MS4A6A: variants seen among roughly 807,000 people sequenced by gnomAD.
MS4A6A encodes membrane spanning 4-domains A6A.
In MS4A6A, 19 loss-of-function variants were observed where a neutral mutation model predicts 20.6. The ratio of observed to expected loss-of-function variants is 0.92; its 90% CI spans 0.64 to 1.36. The LOEUF (loss-of-function observed/expected upper bound fraction) is 1.36, where lower values mean the gene tolerates loss of function less well. MS4A6A is among the 40% of genes most tolerant of loss of function. The pLI, the probability that MS4A6A is intolerant of heterozygous loss-of-function variation, is 0.00. For missense variants in MS4A6A, 272 were observed against 261.1 expected, an observed-to-expected ratio of 1.04 and a Z score of -0.29; for synonymous variants, 108 against 105.0, an observed-to-expected ratio of 1.03 and a Z score of -0.17.
intron 1 of MS4A6A, chr11:60,182,439 G>A (rs1857179904): frequency 6.6e-6 from 1 of 152,224 alleles, no homozygotes. Context: ...CAGCTTTCCT[G>A]GAGTCTGAAG....
At chr11:60,180,666 G>T in intron 2 of MS4A6A, 2 of 166,798 alleles carry the variant, frequency 1.2e-5, no homozygotes, top group Admixed American at 5.9e-5. Context: ...CCTCTGAAAG[G>T]CCTCAGTGTG....
intron 3 of MS4A6A, chr11:60,179,484 T>G: frequency 1.7e-6 from 1 of 584,250 alleles, no homozygotes; most frequent in Admixed American, 3.1e-5. Flanking sequence ...GTCTTCCATT[T>G]ATGCTCTTTT....
chr11:60,176,978 C>G (rs991687670), intron 4 of MS4A6A: 2 of 152,140 alleles, frequency 1.3e-5, no homozygotes, highest in African/African-American at 4.8e-5. Context: ...TGCCAGGCTA[C>G]TCAGTATGGT....
rs1355736478 is a variant in MS4A6A, at chr11:60,177,217, G to A, written c.339+1043C>T. ...AGTTAAATTAAACAGCACAGATCTA[G>A]TTAGTAGTTCCGAGTCTAACTGAGG... On this transcript the variant is annotated intron_variant, in intron 4 of 5. Coordinates refer to ENST00000528851, the MANE Select transcript of MS4A6A (RefSeq NM_022349.4). 3 of 152,142 alleles carry A rather than the reference G, an allele frequency of 2.0e-5. No individual in the cohort carries two copies. The South Asian group carries it at 6.2e-4, about 32-fold the overall frequency. The allele number at this position is 152,142 out of a possible 1,614,324, so 9.4% of individuals were successfully genotyped here.
chr11:60,172,195 G>A (rs753827016), downstream of MS4A6A: 2 of 1,613,366 alleles, frequency 1.2e-6, no homozygotes, highest in Admixed American at 3.3e-5. Flanking sequence ...ACAGTCATGA[G>A]TCATTTTTGA....
rs1194680640 is a variant in MS4A6A at position 60,172,508 on chromosome 11, AATAC to A, written c.*489_*492del. On this transcript the variant is annotated 3_prime_UTR_variant, in exon 6 of 6. Transcript: ENST00000528851. Reference sequence around the variant, plus strand: ...TAAGTCCATAGGGGTTTGATTCAACAATACATTTTTAATATAGCTTTAAAAAGGC... The same window carrying A: ...TAAGTCCATAGGGGTTTGATTCAACAATTTTTAATATAGCTTTAAAAAGGC... 26 of 1,194,492 alleles carry A rather than the reference AATAC, an allele frequency of 2.2e-5. No homozygotes were observed. Among genetic ancestry groups the A allele is most frequent in the Non-Finnish European group, 2.7e-5 (26 of 961,636 alleles). The allele number at this position is 1,194,492 out of a possible 1,614,324, so 74.0% of individuals were successfully genotyped here.
At chr11:60,175,344 G>A (rs954242766) in intron 5 of MS4A6A, 58 bp downstream of exon 5, 57 of 1,396,006 alleles carry the variant, frequency 4.1e-5, no homozygotes, top group South Asian at 1.1e-4. Context: ...GGAATAACAA[G>A]AAATCAAGGC....
chr11:60,172,739 C>T lies in MS4A6A; in HGVS notation c.*262G>A, dbSNP rs1398323062. 8.0e-7 allele frequency: 1 copy of T among 1,254,036 alleles called. No homozygotes were observed. Among genetic ancestry groups the T allele is most frequent in the Non-Finnish European group, 1.0e-6 (1 of 985,270 alleles). The allele number at this position is 1,254,036 out of a possible 1,614,324, so 77.7% of individuals were successfully genotyped here. A position where few individuals can be genotyped will look rare whatever the true frequency, so the allele number is the denominator to read the frequency against. ...ACAAACTCATAGCATAATGCCAGGC[C>T]AGTCATTTAACTTCCCAGAGTCTCA... On this transcript the variant is annotated 3_prime_UTR_variant, in exon 6 of 6. Transcript: ENST00000528851.
At chr11:60,176,217 T>C (rs888708625) in intron 4 of MS4A6A, among the ~76,000 whole-genome samples, 2 of 152,112 alleles carry the variant, frequency 1.3e-5, no homozygotes, top group African/African-American at 4.8e-5. Flanking sequence ...AGGCATATGA[T>C]TGGCCACACT....
At chr11:60,178,422 A>G (rs528636168) in intron 3 of MS4A6A, 106 bp from the exon 4 acceptor site, 1 of 859,694 alleles carries the variant, frequency 1.2e-6, no homozygotes, top group South Asian at 1.5e-5. Context: ...TCCCTGAGAA[A>G]CCAGTGATCA....
chr11:60,178,156 G>T, intron 4 of MS4A6A, 104 bp downstream of exon 4: 1 of 1,042,730 alleles, frequency 9.6e-7, no homozygotes, highest in Non-Finnish European at 1.5e-6. Context: ...AACTGCTCTG[G>T]AACTGAGTTT....
At chr11:60,180,983 A>G (rs1857108123) in intron 2 of MS4A6A, 1 of 447,646 alleles carries the variant, frequency 2.2e-6, no homozygotes, top group Non-Finnish European at 4.5e-6. Flanking sequence ...ACCTCAGATC[A>G]CATAAGTGCA....
In MS4A6A at chr11:60,172,948, C is replaced by G; in HGVS notation, c.*53G>C. 1 of 1,607,258 alleles carries G rather than the reference C, an allele frequency of 6.2e-7. No individual in the cohort carries two copies. Among genetic ancestry groups the G allele is most frequent in the Non-Finnish European group, 8.5e-7 (1 of 1,175,058 alleles). Reference sequence around the variant, plus strand: ...ATGACTGACTGATTGTTCCTTCTACCACTCTTGGTGACATACTCAACACAG... The same window carrying G: ...ATGACTGACTGATTGTTCCTTCTACGACTCTTGGTGACATACTCAACACAG... On this transcript the variant is annotated 3_prime_UTR_variant, in exon 6 of 6. Coordinates refer to ENST00000528851, the MANE Select transcript of MS4A6A (RefSeq NM_022349.4).
At chr11:60,182,162 GAT>G (rs913930044) in intron 1 of MS4A6A, among the ~76,000 whole-genome samples, 4 of 152,132 alleles carry the variant, frequency 2.6e-5, no homozygotes, top group Non-Finnish European at 4.4e-5. Context: ...TTAGCACTCA[GAT>G]ATGTTTATCA....
intron 3 of MS4A6A, 79 bp from the exon 4 acceptor site, chr11:60,178,395 C>T: frequency 1.7e-6 from 2 of 1,162,738 alleles, no homozygotes; most frequent in Admixed American, 3.9e-5. Context: ...TGTTTATAGA[C>T]AACTCTCATG....
At chr11:60,178,760 C>G (rs1450002090) in intron 3 of MS4A6A, 1 of 435,048 alleles carries the variant, frequency 2.3e-6, no homozygotes, top group Non-Finnish European at 4.6e-6. Context: ...GGTAGCATGA[C>G]CCTTGATACG....
chr11:60,183,347 G>T, upstream of MS4A6A: 1 of 600,184 alleles, frequency 1.7e-6, no homozygotes, highest in Non-Finnish European at 2.9e-6. Context: ...AAATAGAGGA[G>T]CAATACCAAC....
chr11:60,176,721 A>G (rs984233968), intron 4 of MS4A6A, among the ~76,000 whole-genome samples: 44 of 152,286 alleles, frequency 2.9e-4, no homozygotes, highest in South Asian at 2.7e-3. Context: ...CTTGATGCCT[A>G]GAGTCTATAT....
chr11:60,181,007 A>C, intron 2 of MS4A6A: 1 of 453,576 alleles, frequency 2.2e-6, no homozygotes, highest in Non-Finnish European at 4.4e-6. Context: ...GCAATTCTAG[A>C]AACCAAAACT....
Sources: allele counts gnomAD v4.1 joint callset (sites outside exome capture counted in the v4.1 genomes callset), GRCh38; gene constraint gnomAD v4.1.1; transcripts MANE v1.5; gene names NCBI Gene and HGNC (gene_info 2026-07-23, HGNC 2026-07-21).